The following CHAT variants were observed in gnomAD, a reference collection of about 807,000 sequenced individuals.
The protein encoded by CHAT is choline O-acetyltransferase, also known as acetyl CoA:choline O-acetyltransferase.
In CHAT, 61 loss-of-function variants were observed where a neutral mutation model predicts 76.9. That is an observed-to-expected ratio of 0.79 (90% CI 0.65 to 0.98). CHAT has a LOEUF of 0.98. CHAT is among the 50% of genes least tolerant of loss of function. The pLI is 0.00. For missense variants in CHAT, 946 were observed against 986.9 expected (o/e 0.96, Z 0.56); for synonymous variants, 407 against 397.4 (o/e 1.02, Z -0.29).
In CHAT at chr10:49,649,560, G is replaced by GC. The variant is rs773268576; in HGVS notation, c.1441dup (p.Arg481ProfsTer30). On this transcript the variant is annotated frameshift_variant, in exon 10 of 15. Transcript: ENST00000337653. LOFTEE classifies it high-confidence loss of function. ...AGCAGACTCCGTCAGCGAGCTCCCC[G>GC]CCCCCCGGAGGCTGCGGTGGAAATG... 5.6e-6 allele frequency: 9 copies of GC among 1,613,670 alleles called. No individual in the cohort carries two copies. Among genetic ancestry groups the GC allele is most frequent in the African/African-American group, 1.3e-5 (1 of 74,922 alleles).
chr10:49,621,129 A>G (rs1244824138), intron 4 of CHAT, among the ~76,000 whole-genome samples: 1 of 152,170 alleles, frequency 6.6e-6, no homozygotes, highest in African/African-American at 2.4e-5. Context: ...CGCTAATGAC[A>G]ATGGAGGATG....
intron 5 of CHAT, among the ~76,000 whole-genome samples, chr10:49,625,097 G>A (rs1227409807): frequency 6.6e-6 from 1 of 152,210 alleles, no homozygotes; most frequent in East Asian, 1.9e-4. Flanking sequence ...TTCTAAAAGA[G>A]ATGATAAAGG....
At chr10:49,614,670 G>C (rs1347831484) in intron 1 of CHAT, among the ~76,000 whole-genome samples, 195 bp downstream of exon 1, 1 of 152,240 alleles carries the variant, frequency 6.6e-6, no homozygotes, top group Non-Finnish European at 1.5e-5. Flanking sequence ...GCCTGGGCTT[G>C]GGGAGGCTTA....
chr10:49,635,861 T>C (rs1839277721), intron 7 of CHAT, among the ~76,000 whole-genome samples: 1 of 152,098 alleles, frequency 6.6e-6, no homozygotes, highest in South Asian at 2.1e-4. Flanking sequence ...CCCCCTAAGA[T>C]CAGTAATAAG....
intron 6 of CHAT, among the ~76,000 whole-genome samples, chr10:49,627,187 A>G (rs182087058): frequency 3.9e-5 from 6 of 152,250 alleles, no homozygotes; most frequent in African/African-American, 1.4e-4. Flanking sequence ...CGAGAGGCAC[A>G]TTCCTCGTGT....
In CHAT at chr10:49,628,044, C is replaced by T. The variant is rs147884822; in HGVS notation, c.1111+259C>T. Among the ~76,000 whole-genome samples the T allele has an allele frequency of 3.8e-3, 572 of 151,848 alleles. 3 individuals carry two copies. The highest frequency in any genetic ancestry group is 5.7e-3 in the Non-Finnish European group (387 of 67,916). ...ATTGGGGATGTCTGAGAATACTGGGCGGGGCGGGGGAGTTAGCTGGAGGAA... is the reference window on the plus strand; with the variant it reads ...ATTGGGGATGTCTGAGAATACTGGGTGGGGCGGGGGAGTTAGCTGGAGGAA... On this transcript the variant is annotated intron_variant, in intron 7 of 14. Transcript: ENST00000337653.
chr10:49,649,661 G>C (rs762522821), intron 10 of CHAT, 25 bp downstream of exon 10: 2 of 1,613,250 alleles, frequency 1.2e-6, no homozygotes, highest in Non-Finnish European at 1.7e-6. Context: ...AGTCTCCTTT[G>C]AGGGGTCCCC....
At chr10:49,659,261 A>G (rs1429722866) in intron 13 of CHAT, among the ~76,000 whole-genome samples, 2 of 152,266 alleles carry the variant, frequency 1.3e-5, no homozygotes, top group Admixed American at 6.5e-5. Context: ...TTGAAGATGC[A>G]TCAAAGATAT....
Position 49,627,735 on chromosome 10 carries a change from C to T in CHAT, c.1061C>T (p.Thr354Met), listed in dbSNP as rs769234940. 55 of 1,613,940 alleles carry T rather than the reference C, an allele frequency of 3.4e-5. No individual in the cohort carries two copies. The highest frequency in any genetic ancestry group is 4.6e-5 in the Non-Finnish European group (54 of 1,179,938). ...DERLPPIGLL[T>M]SDGRSEWAEA... ...CGTTTGCCTCCAATTGGCCTGCTGACGTCTGACGGGAGGAGCGAGTGGGCC... is the reference window on the plus strand; with the variant it reads ...CGTTTGCCTCCAATTGGCCTGCTGATGTCTGACGGGAGGAGCGAGTGGGCC... The change falls in exon 7 of 15, where the codon ACG (threonine) becomes ATG (methionine). Residue 354 changes from threonine (T) to methionine (M), a missense_variant. This residue lies in a region of CHAT where 548 missense variants were observed against 516.2 expected (regional missense o/e 1.06). Transcript: ENST00000337653.
intron 5 of CHAT, among the ~76,000 whole-genome samples, chr10:49,624,232 T>C (rs537691019): frequency 7.0e-4 from 107 of 152,290 alleles, no homozygotes; most frequent in Middle Eastern, 3.4e-3. Context: ...TTTGTAAAAT[T>C]TGTGAAAAAC....
chr10:49,619,683 G>A (rs374611916), intron 2 of CHAT, 42 bp from the exon 3 acceptor site: 42 of 1,583,056 alleles, frequency 2.7e-5, no homozygotes, highest in Middle Eastern at 2.2e-4. Context: ...GGCATGGGGC[G>A]CACATACTAG....
chr10:49,650,507 G>A (rs1176621178), intron 10 of CHAT, among the ~76,000 whole-genome samples: 1 of 152,178 alleles, frequency 6.6e-6, no homozygotes, highest in Non-Finnish European at 1.5e-5. Context: ...TGGGGAAGAG[G>A]CAGAAAGGCA....
At chr10:49,652,061 T>TA in intron 11 of CHAT, 55 bp downstream of exon 11, 1 of 1,612,708 alleles carries the variant, frequency 6.2e-7, no homozygotes, top group Non-Finnish European at 8.5e-7. Flanking sequence ...CACAGTGCTG[T>TA]AGGATCTAGG....
At chr10:49,646,789 C>T (rs1839685474) in intron 8 of CHAT, 115 bp downstream of exon 8, 8 of 1,212,926 alleles carry the variant, frequency 6.6e-6, no homozygotes, top group South Asian at 1.3e-5. Flanking sequence ...CTGGCAGGCG[C>T]ACTCACTGGT....
chr10:49,638,580 T>A (rs749848554), intron 7 of CHAT, among the ~76,000 whole-genome samples: 22 of 152,360 alleles, frequency 1.4e-4, no homozygotes, highest in South Asian at 4.1e-4. Context: ...GTAACTTTTT[T>A]AAAATTATCT....
At chr10:49,643,705 G>A (rs1276997338) in intron 7 of CHAT, among the ~76,000 whole-genome samples, 3 of 152,180 alleles carry the variant, frequency 2.0e-5, no homozygotes, top group African/African-American at 7.2e-5. Flanking sequence ...CCTTCATAAG[G>A]ACATGGCCTT....
Position 49,620,486 on chromosome 10 carries a change from C to T in CHAT, c.580-9C>T. 6.3e-7 allele frequency: 1 copy of T among 1,597,406 alleles called. No individual in the cohort carries two copies. The highest frequency in any genetic ancestry group is 8.6e-7 in the Non-Finnish European group (1 of 1,165,520). On this transcript the variant is annotated splice_polypyrimidine_tract_variant and intron_variant, in intron 3 of 14. Coordinates refer to ENST00000337653, the MANE Select transcript of CHAT (RefSeq NM_020549.5). ...GGGATGTGACGGCCTTCCCTGCCCT[C>T]CCCGGCAGGTGTCTGAGTACTGGCT...
At chr10:49,619,037 G>A (rs907259828) in intron 2 of CHAT, among the ~76,000 whole-genome samples, 2 of 152,168 alleles carry the variant, frequency 1.3e-5, no homozygotes, top group Admixed American at 6.5e-5. Flanking sequence ...CCCTGCCTGG[G>A]TTTTATAAGT....
At chr10:49,615,416 G>GCA (rs1392524488) in intron 1 of CHAT, among the ~76,000 whole-genome samples, 4 of 152,334 alleles carry the variant, frequency 2.6e-5, no homozygotes, top group Non-Finnish European at 5.9e-5. Context: ...TCTCTGCCCA[G>GCA]CACTGCAAGG....
Sources: gnomAD v4.1 joint callset for allele counts (sites outside exome capture counted in the v4.1 genomes callset) on GRCh38, gnomAD v4.1.1 for gene constraint, gnomAD v4.1.1 regional missense constraint, MANE v1.5 for transcripts, NCBI Gene and HGNC (gene_info 2026-07-23, HGNC 2026-07-21) for gene names.